SRRM2: variants seen among roughly 807,000 people sequenced by gnomAD.
The protein encoded by SRRM2 is serine/arginine repetitive matrix protein 2.
Under a neutral mutation model 213.8 loss-of-function variants are expected in SRRM2, and 30 were observed. The ratio of observed to expected loss-of-function variants is 0.14; its 90% confidence interval spans 0.10 to 0.19. The LOEUF (loss-of-function observed/expected upper bound fraction) is 0.19. SRRM2 is among the 10% of genes least tolerant of loss of function. The pLI is 1.00. For synonymous variants in SRRM2, 2,025 were observed against 1,377.7 expected, an observed-to-expected ratio of 1.47 and a Z score of -10.40; for missense variants, 4,904 against 3,647.0, an observed-to-expected ratio of 1.34 and a Z score of -8.88.
chr16:2,763,439 G>C lies in SRRM2; in HGVS notation c.2911G>C (p.Gly971Arg). 6.2e-7 allele frequency: 1 copy of C among 1,614,174 alleles called. No individual in the cohort carries two copies. The highest frequency in any genetic ancestry group is 1.3e-5 in the African/African-American group (1 of 75,038). ...ATTGTTGCCAAGATACAGTCATTCT[G>C]GGTCCTCCTCACCAGATACCAAAGT... is the stretch of plus-strand genomic sequence containing the variant. Reference protein sequence around the residue: ...SRLLPRYSHSGSSSPDTKVKP... With the variant: ...SRLLPRYSHSRSSSPDTKVKP... Residue 971 changes from glycine (G) to arginine (R), a missense_variant, in exon 11 of 15, where the codon GGG becomes CGG. Transcript: ENST00000301740.
rs765085674 is a variant in SRRM2 at position 2,765,593 on chromosome 16, C to T, written c.5065C>T (p.Arg1689Cys). Reference protein sequence around the residue: ...KTKSRTPPRRRSSRSSPELTR... With the variant: ...KTKSRTPPRRCSSRSSPELTR... ...CAAGTCTCGTACACCACCTCGACGT[C>T]GCAGCTCTCGATCATCTCCGGAGCT... The change falls in exon 11 of 15, where the codon CGC becomes TGC. Residue 1689 changes from arginine (R) to cysteine (C), a missense_variant. Coordinates refer to ENST00000301740, the MANE Select transcript of SRRM2 (RefSeq NM_016333.4). 107 of 1,614,028 alleles carry T rather than the reference C, an allele frequency of 6.6e-5. 1 individual carries two copies. Among genetic ancestry groups the T allele is most frequent in the South Asian group, 2.6e-4 (24 of 91,090 alleles).
At chr16:2,768,913 C>T (rs2068637520) in intron 11 of SRRM2, 84 bp from the exon 12 acceptor site, 6 of 1,583,332 alleles carry the variant, frequency 3.8e-6, no homozygotes, top group Non-Finnish European at 4.3e-6. Flanking sequence ...CACCCCTCCC[C>T]CCACTGCCGT....
chr16:2,761,926 A>G lies in SRRM2; in HGVS notation c.1398A>G (p.Arg466=). ...SPTSKNRSHG[R]AKRDKSHSHT... ...CATCTAAGAATCGCTCACATGGCCG[A>G]GCAAAACGGGATAAATCACATTCTC... is the stretch of plus-strand genomic sequence containing the variant. Residue 466 remains arginine, a synonymous_variant, in exon 11 of 15, where the codon CGA becomes CGG. Transcript: ENST00000301740. 6.2e-7 allele frequency: 1 copy of G among 1,613,802 alleles called. No homozygotes were observed. The highest frequency in any genetic ancestry group is 8.5e-7 in the Non-Finnish European group (1 of 1,179,996).
At chr16:2,760,027 G>A in intron 9 of SRRM2, 2 of 556,096 alleles carry the variant, frequency 3.6e-6, no homozygotes, top group East Asian at 3.1e-5. Context: ...TGAATGAAGC[G>A]GGTAGGGAGT....
intron 1 of SRRM2, 135 bp downstream of exon 1, chr16:2,752,981 C>G (rs914115799): frequency 1.3e-5 from 2 of 152,890 alleles, no homozygotes; most frequent in Non-Finnish European, 2.9e-5. Context: ...TTCGCTGGCG[C>G]GGACGCCCTC....
intron 9 of SRRM2, 35 bp from the exon 10 acceptor site, chr16:2,760,266 C>T: frequency 6.3e-7 from 1 of 1,597,744 alleles, no homozygotes; most frequent in South Asian, 1.1e-5. Context: ...GAGCTGATTT[C>T]CTTCCTCTCC....
At position 2,762,653 on chromosome 16, in the gene SRRM2, A is replaced by G. The variant is rs1472951325; in HGVS notation, c.2125A>G (p.Arg709Gly). The change falls in exon 11 of 15, where the codon AGA becomes GGA. Residue 709 changes from arginine (R) to glycine (G), a missense_variant. Transcript: ENST00000301740. ...AAGATCCCGCAGTAGAAGCTTAGTTAGACGTGGAAGATCTCACTCTAGAAC... is the reference window on the plus strand; with the variant it reads ...AAGATCCCGCAGTAGAAGCTTAGTTGGACGTGGAAGATCTCACTCTAGAAC... ...RGRSRSRSLV[R>G]RGRSHSRTPQ... The G allele has an allele frequency of 1.2e-6, 2 of 1,614,040 alleles. No homozygotes were observed. The highest frequency in any genetic ancestry group is 1.7e-6 in the Non-Finnish European group (2 of 1,180,028).
At chr16:2,753,380 GC>G (rs1336379528) in intron 1 of SRRM2, 1 of 152,286 alleles carries the variant, frequency 6.6e-6, no homozygotes, top group East Asian at 1.9e-4. Context: ...CCCCGGCGCT[GC>G]GGGGAGGGCC....
rs896109190 is a variant in SRRM2, at chr16:2,760,236, G to A, written c.834-65G>A. 4.2e-5 allele frequency: 63 copies of A among 1,504,714 alleles called. No individual in the cohort carries two copies. In the Middle Eastern group the frequency reaches 5.6e-4, roughly 13 times the overall value. The allele number at this position is 1,504,714 out of a possible 1,614,324, so 93.2% of individuals were successfully genotyped here. On this transcript the variant is annotated intron_variant, in intron 9 of 14. Transcript: ENST00000301740. ...GAAAGGTGGATGGGAGTTGGGGAGG[G>A]GGTTTTCTGTTCTCCCTTTGAGCTG...
At position 2,766,064 on chromosome 16, in the gene SRRM2, C is replaced by T; in HGVS notation, c.5536C>T (p.Pro1846Ser). 6.2e-7 allele frequency: 1 copy of T among 1,614,174 alleles called. No homozygotes were observed. Among genetic ancestry groups the T allele is most frequent in the African/African-American group, 1.3e-5 (1 of 75,038 alleles). ...CCGAAGAGGCCGCTCTCGGACACCC[C>T]CAACCAGTCGGAAGCGTTCTCGCTC... is the stretch of plus-strand genomic sequence containing the variant. ...RRRRGRSRTP[P>S]TSRKRSRSRT... Residue 1846 changes from proline to serine, a missense_variant, in exon 11 of 15, where the codon CCA becomes TCA. Physicochemically the swap from Pro to Ser is moderately conservative, Grantham distance 74. Transcript: ENST00000301740. This position sits in a 1 kb window ranked among gnomAD's most constrained non-coding sequence, Gnocchi z 7.0.
intron 1 of SRRM2, among the ~76,000 whole-genome samples, chr16:2,754,675 G>T (rs2068079307): frequency 6.6e-6 from 1 of 152,192 alleles, no homozygotes; most frequent in African/African-American, 2.4e-5. Flanking sequence ...AGAATTAAGT[G>T]CAGGTCAAAA....
In SRRM2 at chr16:2,759,411, A is replaced by G. The variant is rs767239423; in HGVS notation, c.740+9A>G. 3.2e-5 allele frequency: 51 copies of G among 1,593,542 alleles called. No homozygotes were observed. Among genetic ancestry groups the G allele is most frequent in the South Asian group, 9.2e-5 (8 of 87,054 alleles). On this transcript the variant is annotated intron_variant, in intron 8 of 14. Transcript: ENST00000301740. ...GACAAAAAGCGAAAGCGGTGAGTGA[A>G]TTTGTGGGGAATTTGCTTAGGAAGT... is the stretch of plus-strand genomic sequence containing the variant.
At position 2,770,850 on chromosome 16, in the gene SRRM2, T is replaced by C. The variant is rs1346220665; in HGVS notation, c.8250-8T>C. The stretch of plus-strand genomic sequence containing the variant: ...GAACTCCCTGTTGACCCATATCTTC[T>C]CTTGCAGGTCTCCATAAATTGTCTT... On this transcript the variant is annotated splice_polypyrimidine_tract_variant and splice_region_variant and intron_variant, in intron 14 of 14. Transcript: ENST00000301740. 3 of 1,613,944 alleles carry C rather than the reference T, an allele frequency of 1.9e-6. No individual in the cohort carries two copies. In the African/African-American group the frequency reaches 4.0e-5, roughly 22 times the overall value.
Position 2,766,492 on chromosome 16 carries a change from G to C in SRRM2, c.5964G>C (p.Pro1988=). 6.2e-7 allele frequency: 1 copy of C among 1,613,752 alleles called. No individual in the cohort carries two copies. The highest frequency in any genetic ancestry group is 8.5e-7 in the Non-Finnish European group (1 of 1,179,924). The part of the protein sequence containing the change: ...TRRRSRSRTS[P]VTRRRSRSRT... ...GAAGATCAAGATCCAGAACATCTCCGGTCACCCGAAGGAGATCTCGATCTC... is the reference window on the plus strand; with the variant it reads ...GAAGATCAAGATCCAGAACATCTCCCGTCACCCGAAGGAGATCTCGATCTC... The change falls in exon 11 of 15, where the codon CCG becomes CCC. Residue 1988 remains proline, a synonymous_variant. Transcript: ENST00000301740. This position sits in a 1 kb window ranked among gnomAD's most constrained non-coding sequence, Gnocchi z 7.0.
At position 2,765,798 on chromosome 16, in the gene SRRM2, CAAG is replaced by C. The variant is rs1340895074; in HGVS notation, c.5271_5273del (p.Arg1759del). On this transcript the variant is annotated inframe_deletion, in exon 11 of 15. Transcript: ENST00000301740. ...TCATCTCCACGCACTAAGACAACCT[CAAG>C]GAGAGGCCGCTCTCCTTCGCCAAAG... is the stretch of plus-strand genomic sequence containing the variant. The C allele has an allele frequency of 1.2e-6, 2 of 1,613,988 alleles. No homozygotes were observed. The highest frequency in any genetic ancestry group is 1.3e-5 in the African/African-American group (1 of 74,922).
Position 2,762,998 on chromosome 16 carries a change from A to G in SRRM2, c.2470A>G (p.Lys824Glu). The change falls in exon 11 of 15, where the codon AAA becomes GAA. Residue 824 changes from lysine (K) to glutamate (E), a missense_variant. Transcript: ENST00000301740. ...RSRSSSSPPP[K>E]QKSKTPSRQS... ...TCGCTCCAGTTCTTCTCCGCCACCT[A>G]AACAGAAATCTAAGACACCATCAAG... is the stretch of plus-strand genomic sequence containing the variant. 6.2e-7 allele frequency: 1 copy of G among 1,614,082 alleles called. No individual in the cohort carries two copies.
rs2068458743 is a variant in SRRM2, at chr16:2,764,142, C to A, written c.3614C>A (p.Thr1205Lys). Residue 1205 changes from threonine (T) to lysine (K), a missense_variant, in exon 11 of 15, where the codon ACA becomes AAA. Physicochemically the swap from Thr to Lys is moderately conservative, Grantham distance 78. Coordinates refer to ENST00000301740, the MANE Select transcript of SRRM2 (RefSeq NM_016333.4). ...RPESSLVFKD[T>K]LRTPPRERSG... The stretch of plus-strand genomic sequence containing the variant: ...GAGTCTTCACTGGTATTCAAAGACA[C>A]ACTTAGAACCCCGCCAAGGGAAAGA... 1.2e-6 allele frequency: 2 copies of A among 1,614,158 alleles called. No homozygotes were observed. The highest frequency in any genetic ancestry group is 1.7e-6 in the Non-Finnish European group (2 of 1,180,030).
Position 2,770,418 on chromosome 16 carries a change from G to C in SRRM2, c.8088G>C (p.Val2696=). 6.2e-7 allele frequency: 1 copy of C among 1,611,194 alleles called. No homozygotes were observed. ...CTCGGTCCCTCAGCTACTCGCCTGT[G>C]GAGCGTCGCCGTCCCTCGCCCCAGC... ...RDSRSLSYSP[V]ERRRPSPQPS... The change falls in exon 13 of 15, where the codon GTG becomes GTC. Residue 2696 remains valine (V), a synonymous_variant. Coordinates refer to ENST00000301740, the MANE Select transcript of SRRM2 (RefSeq NM_016333.4).
Position 2,763,655 on chromosome 16 carries a change from ACAC to A in SRRM2, c.3133_3135del (p.Pro1045del). ...TCTCTGTGCAGGAGTAAAATCTAGC[ACAC>A]CACCAGGCGAGAGCTATTTTGGTGT... is the stretch of plus-strand genomic sequence containing the variant. On this transcript the variant is annotated inframe_deletion, in exon 11 of 15. Coordinates refer to ENST00000301740, the MANE Select transcript of SRRM2 (RefSeq NM_016333.4). 6.2e-7 allele frequency: 1 copy of A among 1,614,166 alleles called. No individual in the cohort carries two copies. Among genetic ancestry groups the A allele is most frequent in the Non-Finnish European group, 8.5e-7 (1 of 1,180,034 alleles).
Sources: gnomAD v4.1 joint callset for allele counts (sites outside exome capture counted in the v4.1 genomes callset) on GRCh38, gnomAD v4.1.1 for gene constraint, Gnocchi (gnomAD v3.1) non-coding constraint, MANE v1.5 for transcripts, NCBI Gene and HGNC (gene_info 2026-07-23, HGNC 2026-07-21) for gene names.